RHOQ: variants seen among roughly 807,000 people sequenced by gnomAD.
RHOQ encodes the protein rho-related GTP-binding protein RhoQ.
Under a neutral mutation model 25.8 loss-of-function variants are expected in RHOQ, and 7 were observed. The observed-to-expected ratio is 0.27, with a 90% CI of 0.15 to 0.51. The LOEUF (loss-of-function observed/expected upper bound fraction) is 0.51, where lower values mean the gene tolerates loss of function less well. Ranked by LOEUF, RHOQ falls within the 20% of genes least tolerant of loss-of-function variation. The pLI, the probability that RHOQ is intolerant of heterozygous loss-of-function variation, is 0.97. For missense variants in RHOQ, 165 were observed against 260.6 expected (o/e 0.63, Z 2.53); for synonymous variants, 97 against 98.6 (o/e 0.98, Z 0.10).
intron 2 of RHOQ, among the ~76,000 whole-genome samples, chr2:46,562,686 T>C: frequency 6.6e-6 from 1 of 152,232 alleles, no homozygotes; most frequent in East Asian, 1.9e-4. Flanking sequence ...TCAAAGCCCA[T>C]GTGCATTTGA....
intron 2 of RHOQ, among the ~76,000 whole-genome samples, chr2:46,549,932 G>A (rs2103985944): frequency 1.3e-5 from 2 of 152,274 alleles, no homozygotes; most frequent in South Asian, 4.1e-4. Context: ...ACATCTTAAG[G>A]GGATTCATGG....
chr2:46,573,996 C>T (rs1669022388), intron 2 of RHOQ, among the ~76,000 whole-genome samples: 1 of 152,218 alleles, frequency 6.6e-6, no homozygotes, highest in South Asian at 2.1e-4. Flanking sequence ...TTGGAGGGAG[C>T]TGCAAAGCTG....
At chr2:46,567,631 A>G (rs1293321406) in intron 2 of RHOQ, among the ~76,000 whole-genome samples, 1 of 151,968 alleles carries the variant, frequency 6.6e-6, no homozygotes, top group African/African-American at 2.4e-5. Context: ...GACTCAAGCA[A>G]TCCACCTGTC....
chr2:46,547,021 T>C (rs562542773), intron 2 of RHOQ, among the ~76,000 whole-genome samples: 2 of 152,292 alleles, frequency 1.3e-5, no homozygotes, highest in South Asian at 4.1e-4. Flanking sequence ...TGGTTTTCTG[T>C]CTTAAGCAGA....
Position 46,552,848 on chromosome 2 carries a change from T to C in RHOQ, c.201+9036T>C, listed in dbSNP as rs142668316. 5.3e-5 allele frequency among the ~76,000 whole-genome samples: 8 copies of C among 152,314 alleles called. No homozygotes were observed. Among genetic ancestry groups the C allele is most frequent in the Non-Finnish European group, 8.8e-5 (6 of 68,024 alleles). The stretch of plus-strand genomic sequence containing the variant: ...GTGGGAGGGCAGTGGGGCCTATTTA[T>C]TGGGGGCACAGAGGAGGAAGGCTTA... On this transcript the variant is annotated intron_variant, in intron 2 of 4. Transcript: ENST00000238738. This position sits in a 1 kb window ranked among gnomAD's most constrained non-coding sequence, Gnocchi z 5.0.
At chr2:46,559,375 T>C (rs1054190175) in intron 2 of RHOQ, among the ~76,000 whole-genome samples, 1 of 152,218 alleles carries the variant, frequency 6.6e-6, no homozygotes, top group African/African-American at 2.4e-5. Context: ...TGTCTCTCTG[T>C]GTAATCTCTA....
Position 46,542,941 on chromosome 2 carries a change from C to G in RHOQ, c.-106C>G. 1.6e-6 allele frequency: 1 copy of G among 619,810 alleles called. No individual in the cohort carries two copies. Among genetic ancestry groups the G allele is most frequent in the African/African-American group, 2.0e-5 (1 of 49,452 alleles). The allele number at this position is 619,810 out of a possible 1,614,324, so 38.4% of individuals were successfully genotyped here. A position where few individuals can be genotyped will look rare whatever the true frequency, so the allele number is the denominator to read the frequency against. On this transcript the variant is annotated 5_prime_UTR_variant, in exon 1 of 5. Coordinates refer to ENST00000238738, the MANE Select transcript of RHOQ (RefSeq NM_012249.4). ...GGGCCGGGGGGGCGGCCCTGCGGCGCGGAGCGGCGGCGACGGCGGCGGACC... is the reference window on the plus strand; with the variant it reads ...GGGCCGGGGGGGCGGCCCTGCGGCGGGGAGCGGCGGCGACGGCGGCGGACC...
chr2:46,550,802 TC>T (rs1668217450), intron 2 of RHOQ, among the ~76,000 whole-genome samples: 2 of 152,154 alleles, frequency 1.3e-5, no homozygotes, highest in Admixed American at 1.3e-4. Context: ...CCAGGCTAGC[TC>T]TGGGGGCTTC....
chr2:46,554,357 G>A (rs554018373), intron 2 of RHOQ, among the ~76,000 whole-genome samples: 2 of 152,202 alleles, frequency 1.3e-5, no homozygotes, highest in African/African-American at 4.8e-5. Flanking sequence ...GGCTCCATTA[G>A]TGTGCTATGT....
chr2:46,570,035 C>A (rs1163175217), intron 2 of RHOQ, among the ~76,000 whole-genome samples: 1 of 152,122 alleles, frequency 6.6e-6, no homozygotes, highest in South Asian at 2.1e-4. Context: ...AGGACCCAAC[C>A]CAGCTTCCTT....
rs1669385329 is a variant in RHOQ, at chr2:46,581,719, G to C, written c.*636G>C. 17 of 1,311,248 alleles carry C rather than the reference G, an allele frequency of 1.3e-5. No individual in the cohort carries two copies. Among genetic ancestry groups the C allele is most frequent in the Non-Finnish European group, 1.7e-5 (17 of 976,178 alleles). The allele number at this position is 1,311,248 out of a possible 1,614,324, so 81.2% of individuals were successfully genotyped here. A position where few individuals can be genotyped will look rare whatever the true frequency, so the allele number is the denominator to read the frequency against. On this transcript the variant is annotated 3_prime_UTR_variant, in exon 5 of 5. Coordinates refer to ENST00000238738, the MANE Select transcript of RHOQ (RefSeq NM_012249.4). ...TTAAAGAATGCCAAAAGTGTAATAA[G>C]GTCATAACTGCATTTATCATGAACA...
rs1241549055 is a variant in RHOQ, at chr2:46,576,012, A to G, written c.202-75A>G. On this transcript the variant is annotated intron_variant, in intron 2 of 4. Coordinates refer to ENST00000238738, the MANE Select transcript of RHOQ (RefSeq NM_012249.4). The surrounding 1 kb of genome is among the most constrained non-coding windows in gnomAD (Gnocchi z 5.1). ...TACTCCTGAATTTGCATCTTTGACC[A>G]TGTAATCTAATGTACATATTACTAG... 2.4e-6 allele frequency: 3 copies of G among 1,272,830 alleles called. No individual in the cohort carries two copies. Among genetic ancestry groups the G allele is most frequent in the East Asian group, 2.5e-5 (1 of 39,924 alleles). The allele number at this position is 1,272,830 out of a possible 1,614,324, so 78.8% of individuals were successfully genotyped here.
intron 2 of RHOQ, among the ~76,000 whole-genome samples, chr2:46,561,151 T>C (rs1668565603): frequency 6.6e-6 from 1 of 151,970 alleles, no homozygotes; most frequent in Non-Finnish European, 1.5e-5. Flanking sequence ...TATATATATA[T>C]ACACCTTTGA....
At chr2:46,573,392 G>T (rs1029922662) in intron 2 of RHOQ, among the ~76,000 whole-genome samples, 3 of 152,170 alleles carry the variant, frequency 2.0e-5, no homozygotes, top group African/African-American at 7.2e-5. Context: ...AGAGATGACA[G>T]GCAGAAGGAA....
At chr2:46,544,175 G>C (rs1667967419) in intron 2 of RHOQ, among the ~76,000 whole-genome samples, 1 of 152,090 alleles carries the variant, frequency 6.6e-6, no homozygotes, top group Non-Finnish European at 1.5e-5. Flanking sequence ...GCCTCTGTCT[G>C]GTCCCTCATT....
intron 2 of RHOQ, among the ~76,000 whole-genome samples, chr2:46,574,778 T>C (rs1207337100): frequency 6.6e-6 from 1 of 152,210 alleles, no homozygotes; most frequent in Admixed American, 6.5e-5. Context: ...TTGAAAGTTA[T>C]ATTATGAAAA....
At chr2:46,571,524 C>T (rs1668913937) in intron 2 of RHOQ, among the ~76,000 whole-genome samples, 1 of 152,220 alleles carries the variant, frequency 6.6e-6, no homozygotes, top group African/African-American at 2.4e-5. Context: ...TCTCATCCTT[C>T]CCTCCTTTAT....
At chr2:46,545,283 C>G (rs1668009590) in intron 2 of RHOQ, among the ~76,000 whole-genome samples, 1 of 152,136 alleles carries the variant, frequency 6.6e-6, no homozygotes, top group Non-Finnish European at 1.5e-5. Context: ...TATTGATAAA[C>G]AAGAGGTTGA....
At chr2:46,577,989 T>A (rs191813661) in intron 4 of RHOQ, among the ~76,000 whole-genome samples, 1 of 152,132 alleles carries the variant, frequency 6.6e-6, no homozygotes, top group African/African-American at 2.4e-5. Context: ...TAACCTGAGA[T>A]GGATGGCAGA....
Sources: gnomAD v4.1 joint callset for allele counts (sites outside exome capture counted in the v4.1 genomes callset) on GRCh38, gnomAD v4.1.1 for gene constraint, Gnocchi (gnomAD v3.1) non-coding constraint, MANE v1.5 for transcripts, NCBI Gene and HGNC (gene_info 2026-07-23, HGNC 2026-07-21) for gene names.